The following GLUD1 variants were observed in gnomAD, a reference collection of about 807,000 sequenced individuals.
GLUD1 encodes the protein glutamate dehydrogenase 1, mitochondrial.
Under a neutral mutation model 56.0 loss-of-function variants are expected in GLUD1, and 22 were observed. The observed-to-expected ratio is 0.39, with a 90% CI of 0.28 to 0.56. GLUD1 has a LOEUF of 0.56. Ranked by LOEUF, GLUD1 falls within the 20% of genes least tolerant of loss-of-function variation. The pLI, the probability that GLUD1 is intolerant of heterozygous loss-of-function variation, is 0.58. For synonymous variants in GLUD1, 223 were observed against 269.9 expected, an observed-to-expected ratio of 0.83 and a Z score of 1.70; for missense variants, 451 against 732.0, an observed-to-expected ratio of 0.62 and a Z score of 4.43.
At chr10:87,061,406 T>C (rs1845925344) in intron 6 of GLUD1, among the ~76,000 whole-genome samples, 1 of 151,936 alleles carries the variant, frequency 6.6e-6, no homozygotes, top group African/African-American at 2.4e-5. Flanking sequence ...TAATCCCAGC[T>C]ACTTGGGAGA....
intron 3 of GLUD1, among the ~76,000 whole-genome samples, chr10:87,075,412 A>C (rs189856307): frequency 1.3e-5 from 2 of 152,372 alleles, no homozygotes; most frequent in East Asian, 3.9e-4. Context: ...AAGTAAAACA[A>C]AAGACTCATA....
At chr10:87,088,111 A>G (rs1236189149) in intron 1 of GLUD1, among the ~76,000 whole-genome samples, 1 of 151,506 alleles carries the variant, frequency 6.6e-6, no homozygotes, top group Non-Finnish European at 1.5e-5. Flanking sequence ...AAACAAATAA[A>G]CAAACAAGAT....
chr10:87,060,952 T>A lies in GLUD1; in HGVS notation c.1022A>T (p.Asp341Val). ...TTCCAGTTCCTTTGGGTCAATACCA[T>A]CTGGATTCCATATACTCCCATCAGA... ...GESDGSIWNP[D>V]GIDPKELEDF... Residue 341 changes from aspartate (D) to valine (V), a missense_variant, in exon 7 of 13, where the codon GAT becomes GTT. Physicochemically the swap from Asp to Val is radical, Grantham distance 152. This residue lies in a region of GLUD1 where 248 missense variants were observed against 460.0 expected (regional missense o/e 0.54). Transcript: ENST00000277865. 3 of 1,614,160 alleles carry A rather than the reference T, an allele frequency of 1.9e-6. No homozygotes were observed. The highest frequency in any genetic ancestry group is 2.5e-6 in the Non-Finnish European group (3 of 1,179,986).
intron 1 of GLUD1, among the ~76,000 whole-genome samples, chr10:87,086,869 C>A (rs1052758781): frequency 1.3e-5 from 2 of 150,496 alleles, no homozygotes; most frequent in African/African-American, 4.9e-5. Context: ...ATTGTTTTTT[C>A]TCACACATTT....
chr10:87,062,953 T>A (rs1469483554), intron 5 of GLUD1, 118 bp from the exon 6 acceptor site: 1 of 909,098 alleles, frequency 1.1e-6, no homozygotes, highest in Non-Finnish European at 1.8e-6. Flanking sequence ...TAATTAGGAG[T>A]GTGTGTATGA....
intron 1 of GLUD1, chr10:87,092,699 C>T (rs751255111): frequency 2.7e-5 from 13 of 474,158 alleles, no homozygotes; most frequent in Non-Finnish European, 3.0e-5. Context: ...AATCATCCTG[C>T]AGAAAACCAC....
intron 4 of GLUD1, among the ~76,000 whole-genome samples, chr10:87,073,713 G>C (rs1363403299): frequency 6.9e-6 from 1 of 144,530 alleles, no homozygotes; most frequent in African/African-American, 2.6e-5. Flanking sequence ...CTGCTTCCCA[G>C]GTTCACACCA....
At chr10:87,052,069 G>T (rs1845645353) in intron 12 of GLUD1, among the ~76,000 whole-genome samples, 199 bp from the exon 13 acceptor site, 1 of 152,218 alleles carries the variant, frequency 6.6e-6, no homozygotes, top group Non-Finnish European at 1.5e-5. Flanking sequence ...CAATGGGGTG[G>T]CTGGGTGCGG....
intron 1 of GLUD1, among the ~76,000 whole-genome samples, chr10:87,081,165 C>G (rs1841236129): frequency 6.8e-6 from 1 of 146,720 alleles, no homozygotes; most frequent in African/African-American, 2.5e-5. Context: ...GTCCCTCTGC[C>G]CGGCCAGCCG....
Position 87,062,837 on chromosome 10 carries a change from T to G in GLUD1, c.742-2A>C. On this transcript the variant is annotated splice_acceptor_variant, in intron 5 of 12. Coordinates refer to ENST00000277865, the MANE Select transcript of GLUD1 (RefSeq NM_005271.5). LOFTEE classifies it high-confidence loss of function. ...AACACAGGCGTGTGCATTAATATCC[T>G]GTAAGAGGGGGTAATTGAAAGAATG... 6.2e-7 allele frequency: 1 copy of G among 1,613,352 alleles called. No individual in the cohort carries two copies. Among genetic ancestry groups the G allele is most frequent in the Non-Finnish European group, 8.5e-7 (1 of 1,179,334 alleles).
chr10:87,090,412 T>C (rs1281662066), intron 1 of GLUD1, among the ~76,000 whole-genome samples: 2 of 152,220 alleles, frequency 1.3e-5, no homozygotes, highest in Non-Finnish European at 2.9e-5. Context: ...AGCAGCTGTT[T>C]GTCTTCCTGC....
chr10:87,081,363 G>C (rs1487776610), intron 1 of GLUD1, among the ~76,000 whole-genome samples: 4 of 150,170 alleles, frequency 2.7e-5, no homozygotes, highest in Non-Finnish European at 4.5e-5. Context: ...CCCTGTCCGG[G>C]AGGTGAGGGG....
intron 4 of GLUD1, among the ~76,000 whole-genome samples, chr10:87,073,718 A>T (rs1481612739): frequency 1.4e-5 from 2 of 140,904 alleles, no homozygotes; most frequent in Admixed American, 1.6e-4. Flanking sequence ...TCCCAGGTTC[A>T]CACCATTCTC....
chr10:87,083,253 A>G (rs1347978065), intron 1 of GLUD1, among the ~76,000 whole-genome samples: 1 of 152,000 alleles, frequency 6.6e-6, no homozygotes, highest in Non-Finnish European at 1.5e-5. Flanking sequence ...TATGACTGCA[A>G]AAAGGAAGGT....
At chr10:87,068,039 T>TC in intron 5 of GLUD1, 24 bp downstream of exon 5, 2 of 1,376,184 alleles carry the variant, frequency 1.5e-6, no homozygotes, top group Non-Finnish European at 2.1e-6. Flanking sequence ...TGCAGAAGCC[T>TC]CGGGGCTTCC....
intron 2 of GLUD1, among the ~76,000 whole-genome samples, chr10:87,076,233 A>AAT: frequency 6.6e-6 from 1 of 152,196 alleles, no homozygotes; most frequent in Middle Eastern, 3.2e-3. Flanking sequence ...GCCAAGTTCT[A>AAT]ATATATATTT....
chr10:87,061,466 C>T (rs947867533), intron 6 of GLUD1, among the ~76,000 whole-genome samples: 5 of 151,904 alleles, frequency 3.3e-5, no homozygotes, highest in African/African-American at 7.3e-5. Flanking sequence ...TGCAGTGAGC[C>T]GAGACTGCAC....
At chr10:87,081,667 G>GTAACATGTGCTGT (rs1841257932) in intron 1 of GLUD1, among the ~76,000 whole-genome samples, 1 of 152,110 alleles carries the variant, frequency 6.6e-6, no homozygotes, top group African/African-American at 2.4e-5. Context: ...TGTGCTCTCT[G>GTAACATGTGCTGT]TAACATGTGC....
intron 1 of GLUD1, chr10:87,089,582 T>TG: frequency 1.0e-6 from 1 of 983,652 alleles, no homozygotes; most frequent in South Asian, 4.7e-5. Flanking sequence ...GCAGTTGACC[T>TG]CAAGTGAAGG....
Sources: allele counts gnomAD v4.1 joint callset (sites outside exome capture counted in the v4.1 genomes callset), GRCh38; gene constraint gnomAD v4.1.1; regional missense constraint gnomAD v4.1.1; transcripts MANE v1.5; gene names NCBI Gene and HGNC (gene_info 2026-07-23, HGNC 2026-07-21).